CAMK2B: variants seen among roughly 807,000 people sequenced by gnomAD.
CAMK2B encodes the protein calcium/calmodulin dependent protein kinase II beta, also known as calcium/calmodulin-dependent protein kinase type II subunit beta.
Under a neutral mutation model 93.7 loss-of-function variants are expected in CAMK2B, and 27 were observed. The ratio of observed to expected loss-of-function variants is 0.29; its 90% CI spans 0.21 to 0.40. The LOEUF (loss-of-function observed/expected upper bound fraction) is 0.40, where lower values mean the gene tolerates loss of function less well. Ranked by LOEUF, CAMK2B falls within the 10% of genes least tolerant of loss-of-function variation. CAMK2B has a pLI of 1.00. For missense variants in CAMK2B, 568 were observed against 895.8 expected, an observed-to-expected ratio of 0.63 and a Z score of 4.67; for synonymous variants, 374 against 358.8, an observed-to-expected ratio of 1.04 and a Z score of -0.48.
chr7:44,273,877 G>T (rs1055206469), intron 2 of CAMK2B, among the ~76,000 whole-genome samples: 1 of 152,138 alleles, frequency 6.6e-6, no homozygotes, highest in African/African-American at 2.4e-5. Flanking sequence ...CCCAGCCCGA[G>T]GCCCAAGGCC....
chr7:44,226,504 G>A lies in CAMK2B; in HGVS notation c.1597+12C>T, dbSNP rs1173409919. 2.8e-6 allele frequency: 4 copies of A among 1,406,548 alleles called. No individual in the cohort carries two copies. The highest frequency in any genetic ancestry group is 1.5e-5 in the African/African-American group (1 of 66,848). 87.1% of individuals were successfully genotyped at this position (1,406,548 alleles called of 1,614,324 possible). On this transcript the variant is annotated intron_variant, in intron 20 of 23. Transcript: ENST00000395749. ...GGCAGCCGCTGCCACGGCCACTCAA[G>A]GTGCTACTTACATGGGGTGGGCAGG...
chr7:44,280,571 A>C (rs916273553), intron 2 of CAMK2B, among the ~76,000 whole-genome samples: 9 of 152,144 alleles, frequency 5.9e-5, no homozygotes, highest in African/African-American at 2.2e-4. Context: ...TAAGCTAATA[A>C]ATTTGCACAG....
intron 16 of CAMK2B, 29 bp downstream of exon 16, chr7:44,232,793 A>G: frequency 6.2e-7 from 1 of 1,611,106 alleles, no homozygotes; most frequent in Non-Finnish European, 8.5e-7. Context: ...CTGCCTGGGG[A>G]AAGCGGGAGG....
At chr7:44,313,084 T>C (rs1021135745) in intron 1 of CAMK2B, among the ~76,000 whole-genome samples, 3 of 152,052 alleles carry the variant, frequency 2.0e-5, no homozygotes, top group Non-Finnish European at 4.4e-5. Context: ...TGACCACCAC[T>C]TTCTCACTAG....
At chr7:44,252,251 G>A (rs6950971) in intron 5 of CAMK2B, among the ~76,000 whole-genome samples, 2,836 of 152,142 alleles carry the variant, frequency 0.019, 82 homozygotes, top group African/African-American at 0.065. Context: ...GGGCGGTGAG[G>A]GGTGCAGCAT....
intron 1 of CAMK2B, among the ~76,000 whole-genome samples, chr7:44,316,731 C>G (rs1794908018): frequency 6.6e-6 from 1 of 152,138 alleles, no homozygotes; most frequent in African/African-American, 2.4e-5. Flanking sequence ...TCTTCTTGAG[C>G]CAGATTCAGT....
intron 1 of CAMK2B, among the ~76,000 whole-genome samples, chr7:44,309,709 C>T (rs1792964617): frequency 6.6e-6 from 1 of 152,182 alleles, no homozygotes; most frequent in East Asian, 1.9e-4. Context: ...CCGCGGGGGA[C>T]CAGTCAGTCC....
At chr7:44,253,767 T>C (rs2096803440) in intron 5 of CAMK2B, among the ~76,000 whole-genome samples, 1 of 152,126 alleles carries the variant, frequency 6.6e-6, no homozygotes, top group Non-Finnish European at 1.5e-5. Context: ...GCTACTTTTT[T>C]TTAAGTTTTT....
At chr7:44,284,771 G>A (rs1175570541) in intron 1 of CAMK2B, among the ~76,000 whole-genome samples, 1 of 152,244 alleles carries the variant, frequency 6.6e-6, no homozygotes, top group East Asian at 1.9e-4. Flanking sequence ...CTCATGGAAG[G>A]TTTTGTAGGG....
At chr7:44,315,989 T>G (rs1794738024) in intron 1 of CAMK2B, among the ~76,000 whole-genome samples, 1 of 152,202 alleles carries the variant, frequency 6.6e-6, no homozygotes, top group South Asian at 2.1e-4. Flanking sequence ...TACGAAAGCA[T>G]GTAATCTGAA....
At chr7:44,234,348 G>A in intron 15 of CAMK2B, 42 bp downstream of exon 15, 5 of 1,464,076 alleles carry the variant, frequency 3.4e-6, no homozygotes, top group Non-Finnish European at 4.5e-6. Context: ...ACAGCCAGGG[G>A]CGTAGGAGGG....
intron 1 of CAMK2B, among the ~76,000 whole-genome samples, chr7:44,285,727 C>G (rs1420545473): frequency 6.6e-6 from 1 of 150,860 alleles, no homozygotes; most frequent in Non-Finnish European, 1.5e-5. Flanking sequence ...TGAGCTGCGT[C>G]TTCGCTTTTT....
At chr7:44,247,783 T>C (rs141234985) in intron 5 of CAMK2B, among the ~76,000 whole-genome samples, 1 of 152,172 alleles carries the variant, frequency 6.6e-6, no homozygotes, top group African/African-American at 2.4e-5. Context: ...ATCCCAGCAC[T>C]TTGGGAGGCC....
intron 6 of CAMK2B, among the ~76,000 whole-genome samples, chr7:44,246,617 GCA>G (rs2096733259): frequency 6.6e-6 from 1 of 150,952 alleles, no homozygotes; most frequent in Non-Finnish European, 1.5e-5. Context: ...ATGCACACAG[GCA>G]CACAGACACG....
At chr7:44,222,222 G>C (rs542557593) in intron 20 of CAMK2B, among the ~76,000 whole-genome samples, 6 of 152,162 alleles carry the variant, frequency 3.9e-5, no homozygotes, top group Admixed American at 6.5e-5. Flanking sequence ...CTCCCTGTGG[G>C]GGAAGTCTCT....
At chr7:44,223,167 A>G (rs62459092) in intron 20 of CAMK2B, among the ~76,000 whole-genome samples, 35,101 of 152,188 alleles carry the variant, frequency 0.23, 4,228 homozygotes, top group African/African-American at 0.28. Flanking sequence ...TGCAGTGCCT[A>G]TGAGCGTGCA....
chr7:44,273,397 C>T (rs891211632), intron 2 of CAMK2B, among the ~76,000 whole-genome samples: 16 of 152,190 alleles, frequency 1.1e-4, no homozygotes, highest in African/African-American at 3.9e-4. Flanking sequence ...ACAGGACTCC[C>T]GTGCTCACAA....
intron 5 of CAMK2B, among the ~76,000 whole-genome samples, chr7:44,252,887 G>T (rs945993858): frequency 2.0e-5 from 3 of 152,202 alleles, no homozygotes; most frequent in Non-Finnish European, 4.4e-5. Context: ...CACTCCAAGG[G>T]CACAGGCCTC....
chr7:44,262,239 T>A (rs1183918749), intron 3 of CAMK2B, among the ~76,000 whole-genome samples: 2 of 152,110 alleles, frequency 1.3e-5, no homozygotes, highest in African/African-American at 4.8e-5. Flanking sequence ...CTGGCATAAG[T>A]GAATCAGAGC....
Sources: allele counts gnomAD v4.1 joint callset (sites outside exome capture counted in the v4.1 genomes callset), GRCh38; gene constraint gnomAD v4.1.1; transcripts MANE v1.5; gene names NCBI Gene and HGNC (gene_info 2026-07-23, HGNC 2026-07-21).